MAFF: variants seen among roughly 807,000 people sequenced by gnomAD.
The protein encoded by MAFF is MAF bZIP transcription factor F.
In MAFF, 4 loss-of-function variants were observed where a neutral mutation model predicts 2.7. The observed-to-expected ratio is 1.48, with a 90% CI of 0.73 to 3.39. The LOEUF (loss-of-function observed/expected upper bound fraction) is 3.39. Among genes scored for constraint, MAFF ranks in the 30% most tolerant of loss-of-function variants. The pLI, the probability that MAFF is intolerant of heterozygous loss-of-function variation, is 0.01. For missense variants in MAFF, 190 were observed against 246.6 expected (o/e 0.77, Z 1.54); for synonymous variants, 113 against 119.4 (o/e 0.95, Z 0.35).
At chr22:38,203,282 G>A (rs187472609) in intron 1 of MAFF, 1 of 152,642 alleles carries the variant, frequency 6.6e-6, no homozygotes, top group Admixed American at 6.5e-5. Flanking sequence ...TCTGGAGGCT[G>A]TACCTGCTAG....
intron 1 of MAFF, 114 bp from the exon 2 acceptor site, chr22:38,213,709 A>G (rs1371595822): frequency 6.4e-6 from 5 of 779,368 alleles, no homozygotes; most frequent in Non-Finnish European, 1.1e-5. Context: ...GGTGGCAGGT[A>G]TGAATCAGTT....
chr22:38,213,941 C>A lies in MAFF; in HGVS notation c.36+52C>A, dbSNP rs1274781896. The A allele has an allele frequency of 1.9e-6, 3 of 1,595,060 alleles. No individual in the cohort carries two copies. In the South Asian group the frequency reaches 3.3e-5, roughly 18 times the overall value. ...GTGAAGCCCTCCCTCCCTGCCCATGCAGAGCCTCCTCATCCCAACTTCCCC... is the reference window on the plus strand; with the variant it reads ...GTGAAGCCCTCCCTCCCTGCCCATGAAGAGCCTCCTCATCCCAACTTCCCC... On this transcript the variant is annotated intron_variant, in intron 2 of 2. Coordinates refer to ENST00000338483, the MANE Select transcript of MAFF (RefSeq NM_012323.4).
chr22:38,208,340 A>C (rs1403246657), intron 1 of MAFF, among the ~76,000 whole-genome samples: 3 of 152,202 alleles, frequency 2.0e-5, no homozygotes, highest in African/African-American at 7.2e-5. Flanking sequence ...GATGCGACTT[A>C]AACCCAAGCT....
chr22:38,207,808 T>C (rs1199606347), intron 1 of MAFF, among the ~76,000 whole-genome samples: 2 of 152,070 alleles, frequency 1.3e-5, no homozygotes, highest in East Asian at 3.9e-4. Flanking sequence ...CTTGCCCAGG[T>C]TGGTCTTGAA....
At position 38,202,230 on chromosome 22, in the gene MAFF, A is replaced by T. The variant is rs1348366186; in HGVS notation, c.-32+18A>T. The T allele has an allele frequency of 1.3e-5, 2 of 152,376 alleles. No homozygotes were observed. Among genetic ancestry groups the T allele is most frequent in the African/African-American group, 2.4e-5 (1 of 41,466 alleles). The allele number at this position is 152,376 out of a possible 1,614,324, so 9.4% of individuals were successfully genotyped here. A position where few individuals can be genotyped will look rare whatever the true frequency, so the allele number is the denominator to read the frequency against. On this transcript the variant is annotated intron_variant, in intron 1 of 2. Transcript: ENST00000338483. The surrounding 1 kb of genome is among the most constrained non-coding windows in gnomAD (Gnocchi z 7.4). ...AGAAGCGGGTGAGGAACGCGGGACC[A>T]GGAGGACGGTGCGCGGGACCCCAAG...
intron 1 of MAFF, chr22:38,203,358 GT>G (rs2091028866): frequency 6.6e-6 from 1 of 152,346 alleles, no homozygotes; most frequent in African/African-American, 2.4e-5. Flanking sequence ...AGTGGGACTG[GT>G]GAGACTAGAC....
At position 38,214,807 on chromosome 22, in the gene MAFF, T is replaced by C. The variant is rs2091132482; in HGVS notation, c.424T>C (p.Ser142Pro). 2 of 1,487,250 alleles carry C rather than the reference T, an allele frequency of 1.3e-6. No homozygotes were observed. Among genetic ancestry groups the C allele is most frequent in the Non-Finnish European group, 1.8e-6 (2 of 1,124,402 alleles). 92.1% of individuals were successfully genotyped at this position (1,487,250 alleles called of 1,614,324 possible). ...APASVITIVKSTPGSGSGPAH... is the reference protein window; with the variant it reads ...APASVITIVKPTPGSGSGPAH... ...GGCCAGCGTCATCACCATCGTCAAG[T>C]CCACCCCGGGCTCGGGGTCTGGCCC... The change falls in exon 3 of 3, where the codon TCC becomes CCC. Residue 142 changes from serine (S) to proline (P), a missense_variant. Ser to Pro is a moderately conservative substitution (Grantham distance 74). Coordinates refer to ENST00000338483, the MANE Select transcript of MAFF (RefSeq NM_012323.4). The surrounding 1 kb of genome is among the most constrained non-coding windows in gnomAD (Gnocchi z 6.3).
intron 1 of MAFF, chr22:38,203,410 G>A (rs907681375): frequency 6.6e-6 from 1 of 152,376 alleles, no homozygotes; most frequent in Non-Finnish European, 1.5e-5. Flanking sequence ...GAGGCTCTGA[G>A]CCAGCCGACA....
chr22:38,211,390 C>T (rs2091100157), intron 1 of MAFF, among the ~76,000 whole-genome samples: 1 of 152,098 alleles, frequency 6.6e-6, no homozygotes, highest in Non-Finnish European at 1.5e-5. Flanking sequence ...CCACGCCCGG[C>T]TAATTTTCGT....
Position 38,208,154 on chromosome 22 carries a change from C to A in MAFF, c.-31-5669C>A, listed in dbSNP as rs2091067704. Among the ~76,000 whole-genome samples the A allele has an allele frequency of 2.0e-5, 3 of 152,286 alleles. No homozygotes were observed. In the South Asian group the frequency reaches 6.2e-4, roughly 32 times the overall value. On this transcript the variant is annotated intron_variant, in intron 1 of 2. Transcript: ENST00000338483. Reference sequence around the variant, plus strand: ...CCAGTGCTGGCTACAGGCCTGACCCCTCCTGGACAGACAGCAATTCTAACC... The same window carrying A: ...CCAGTGCTGGCTACAGGCCTGACCCATCCTGGACAGACAGCAATTCTAACC...
rs1602338963 is a variant in MAFF at position 38,215,101 on chromosome 22, T to A, written c.*223T>A. The A allele has an allele frequency of 4.1e-6, 2 of 489,536 alleles. No homozygotes were observed. The highest frequency in any genetic ancestry group is 3.8e-5 in the East Asian group (1 of 26,284). The allele number at this position is 489,536 out of a possible 1,614,324, so 30.3% of individuals were successfully genotyped here. A position where few individuals can be genotyped will look rare whatever the true frequency, so the allele number is the denominator to read the frequency against. On this transcript the variant is annotated 3_prime_UTR_variant, in exon 3 of 3. Transcript: ENST00000338483. ...GGGTAGGTTGGGGATGGGGCAGAGG[T>A]CTGGATCTGGGATCGCCCTTGGCTG...
chr22:38,213,517 GAC>G, intron 1 of MAFF: 2 of 453,266 alleles, frequency 4.4e-6, no homozygotes, highest in Non-Finnish European at 8.6e-6. Context: ...TATGTGATGT[GAC>G]ACAGAGGCGT....
intron 2 of MAFF, 58 bp downstream of exon 2, chr22:38,213,947 C>G (rs992848851): frequency 2.6e-6 from 4 of 1,566,410 alleles, no homozygotes; most frequent in Admixed American, 1.7e-5. Context: ...CATGCAGAGC[C>G]TCCTCATCCC....
intron 1 of MAFF, among the ~76,000 whole-genome samples, chr22:38,210,623 A>AGT (rs71195095): frequency 0.046 from 6,094 of 132,932 alleles, 174 homozygotes; most frequent in Middle Eastern, 0.086. Flanking sequence ...GGACACAGGG[A>AGT]GTGTGTGTGT....
At chr22:38,208,538 G>A (rs955595274) in intron 1 of MAFF, among the ~76,000 whole-genome samples, 2 of 152,166 alleles carry the variant, frequency 1.3e-5, no homozygotes, top group Non-Finnish European at 2.9e-5. Context: ...ACTGAACTAC[G>A]TTTCGGCTTG....
In MAFF at chr22:38,216,346, G is replaced by A; in HGVS notation, c.*1468G>A. 6.1e-6 allele frequency: 1 copy of A among 163,790 alleles called. No homozygotes were observed. The allele number at this position is 163,790 out of a possible 1,614,324, so 10.1% of individuals were successfully genotyped here. ...GCTGAGATCGCACCACTGCACTCCA[G>A]CCTGGGCAACATAGCAAAATCCTGT... On this transcript the variant is annotated 3_prime_UTR_variant, in exon 3 of 3. Transcript: ENST00000338483.
chr22:38,210,357 G>A (rs2091088840), intron 1 of MAFF, among the ~76,000 whole-genome samples: 1 of 152,182 alleles, frequency 6.6e-6, no homozygotes, highest in Non-Finnish European at 1.5e-5. Flanking sequence ...AGGAGCTGGG[G>A]AGTTTCCTGA....
At position 38,214,330 on chromosome 22, in the gene MAFF, G is replaced by C. The variant is rs1039995663; in HGVS notation, c.37-90G>C. 5 of 1,251,580 alleles carry C rather than the reference G, an allele frequency of 4.0e-6. No homozygotes were observed. Among genetic ancestry groups the C allele is most frequent in the Non-Finnish European group, 5.4e-6 (5 of 927,024 alleles). The allele number at this position is 1,251,580 out of a possible 1,614,324, so 77.5% of individuals were successfully genotyped here. A position where few individuals can be genotyped will look rare whatever the true frequency, so the allele number is the denominator to read the frequency against. The stretch of plus-strand genomic sequence containing the variant: ...TTGGATCAAGTCCACCCACCACCTC[G>C]GCGGCTAAGGCGGTGAAAGAGGAAC... On this transcript the variant is annotated intron_variant, in intron 2 of 2. Coordinates refer to ENST00000338483, the MANE Select transcript of MAFF (RefSeq NM_012323.4). This position sits in a 1 kb window ranked among gnomAD's most constrained non-coding sequence, Gnocchi z 6.3.
rs78055015 is a variant in MAFF, at chr22:38,204,437, G to A, written c.-32+2225G>A. Among the ~76,000 whole-genome samples, 1,221 of 152,272 alleles carry A rather than the reference G, an allele frequency of 8.0e-3. 16 individuals are homozygous for A. Among genetic ancestry groups the A allele is most frequent in the African/African-American group, 0.028 (1,178 of 41,532 alleles). The stretch of plus-strand genomic sequence containing the variant: ...TGAAGCCCTTGAAGGCAGGAGCTGT[G>A]ATTCACTTCAGGGTCTCCAGGGCCC... On this transcript the variant is annotated intron_variant, in intron 1 of 2. Coordinates refer to ENST00000338483, the MANE Select transcript of MAFF (RefSeq NM_012323.4).
Sources: allele counts gnomAD v4.1 joint callset (sites outside exome capture counted in the v4.1 genomes callset), GRCh38; gene constraint gnomAD v4.1.1; non-coding constraint Gnocchi (gnomAD v3.1); transcripts MANE v1.5; gene names NCBI Gene and HGNC (gene_info 2026-07-23, HGNC 2026-07-21).